The following CTTN variants were observed in gnomAD, a reference collection of about 807,000 sequenced individuals.
The protein encoded by CTTN is cortactin.
In CTTN, 28 loss-of-function variants were observed where a neutral mutation model predicts 84.0. The ratio of observed to expected loss-of-function variants is 0.33; its 90% confidence interval spans 0.25 to 0.46. The LOEUF (loss-of-function observed/expected upper bound fraction) is 0.46, where lower values mean the gene tolerates loss of function less well. CTTN is among the 20% of genes least tolerant of loss of function. The pLI, the probability that CTTN is intolerant of heterozygous loss-of-function variation, is 1.00. For synonymous variants in CTTN, 301 were observed against 288.8 expected (o/e 1.04, Z -0.43); for missense variants, 641 against 723.8 (o/e 0.89, Z 1.31).
At chr11:70,431,633 C>T (rs1005134855) in intron 15 of CTTN, among the ~76,000 whole-genome samples, 4 of 152,252 alleles carry the variant, frequency 2.6e-5, no homozygotes, top group African/African-American at 4.8e-5. Context: ...CGCCGCCTCA[C>T]TCCCTAATGG....
At chr11:70,425,545 C>G in intron 13 of CTTN, 144 bp downstream of exon 13, 1 of 658,346 alleles carries the variant, frequency 1.5e-6, no homozygotes, top group Non-Finnish European at 2.7e-6. Flanking sequence ...AGAAAATGAT[C>G]GTTCTGATGA....
intron 11 of CTTN, chr11:70,422,535 CTT>C: frequency 7.7e-7 from 1 of 1,294,180 alleles, no homozygotes; most frequent in Non-Finnish European, 1.0e-6. Flanking sequence ...GATTGAGCCT[CTT>C]TTTAGCGCTC....
intron 13 of CTTN, among the ~76,000 whole-genome samples, chr11:70,428,821 C>G (rs1250404013): frequency 6.6e-6 from 1 of 152,190 alleles, no homozygotes; most frequent in African/African-American, 2.4e-5. Context: ...TTCCTGATGC[C>G]AGGCTTAGGG....
chr11:70,429,910 G>A (rs1283209249), intron 14 of CTTN, among the ~76,000 whole-genome samples: 2 of 152,150 alleles, frequency 1.3e-5, no homozygotes, highest in African/African-American at 2.4e-5. Context: ...GGCATCTGCA[G>A]TGTGGGGCAG....
chr11:70,414,274 G>A (rs1346920215), intron 5 of CTTN, among the ~76,000 whole-genome samples: 1 of 151,926 alleles, frequency 6.6e-6, no homozygotes, highest in Non-Finnish European at 1.5e-5. Context: ...GAACCTGGGA[G>A]GCGGAGCTTG....
intron 2 of CTTN, among the ~76,000 whole-genome samples, chr11:70,406,566 T>G (rs2058043016): frequency 6.6e-6 from 1 of 151,900 alleles, no homozygotes; most frequent in South Asian, 2.1e-4. Context: ...ACCACTGCAG[T>G]TACAAGAATT....
At chr11:70,431,423 G>A in intron 15 of CTTN, 143 bp downstream of exon 15, 1 of 867,758 alleles carries the variant, frequency 1.2e-6, no homozygotes, top group Non-Finnish European at 1.9e-6. Flanking sequence ...CCGGAGAGGG[G>A]TGGGCCAGGA....
chr11:70,418,601 T>C (rs958397260), intron 8 of CTTN, among the ~76,000 whole-genome samples: 3 of 152,200 alleles, frequency 2.0e-5, no homozygotes, highest in Non-Finnish European at 2.9e-5. Context: ...TGGAGGATGC[T>C]GTGTGTGTCC....
intron 1 of CTTN, among the ~76,000 whole-genome samples, chr11:70,402,386 A>G (rs548287270): frequency 6.6e-6 from 1 of 152,324 alleles, no homozygotes; most frequent in South Asian, 2.1e-4. Flanking sequence ...GGTTTTTAGT[A>G]TCTTCATGCA....
intron 9 of CTTN, chr11:70,420,128 G>T: frequency 1.7e-6 from 1 of 597,952 alleles, no homozygotes; most frequent in Non-Finnish European, 3.0e-6. Context: ...AGCCTGTGCT[G>T]TCTCATGGTG....
At chr11:70,416,204 C>T (rs1272595563) in intron 7 of CTTN, 1 of 154,404 alleles carries the variant, frequency 6.5e-6, no homozygotes, top group East Asian at 1.9e-4. Context: ...AAGCATATCG[C>T]CACCTTAAAG....
At chr11:70,403,455 G>A (rs1404464280) in intron 1 of CTTN, among the ~76,000 whole-genome samples, 1 of 152,088 alleles carries the variant, frequency 6.6e-6, no homozygotes, top group Non-Finnish European at 1.5e-5. Context: ...CGAAAGTGCT[G>A]GGATTACAGG....
Position 70,422,455 on chromosome 11 carries a change from G to A in CTTN, c.902-485G>A, listed in dbSNP as rs905303435. ...TCATGTGGATCTGTGTTGCTGCAAC[G>A]GAAGTCTTTGGCTGGTAGAATTTCC... On this transcript the variant is annotated intron_variant, in intron 11 of 17. Transcript: ENST00000301843. The A allele has an allele frequency of 1.1e-5, 14 of 1,230,796 alleles. No individual in the cohort carries two copies. In the African/African-American group the frequency reaches 1.9e-4, roughly 16 times the overall value. The allele number at this position is 1,230,796 out of a possible 1,614,324, so 76.2% of individuals were successfully genotyped here. A position where few individuals can be genotyped will look rare whatever the true frequency, so the allele number is the denominator to read the frequency against.
At chr11:70,406,584 T>G (rs1363361043) in intron 2 of CTTN, among the ~76,000 whole-genome samples, 1 of 152,094 alleles carries the variant, frequency 6.6e-6, no homozygotes, top group East Asian at 1.9e-4. Flanking sequence ...ATTGTCTTGT[T>G]AGGGTTTACA....
intron 13 of CTTN, 65 bp from the exon 14 acceptor site, chr11:70,428,986 G>T: frequency 6.3e-7 from 1 of 1,586,162 alleles, no homozygotes; most frequent in Admixed American, 1.7e-5. Flanking sequence ...TGTGGGTGGG[G>T]CTGTTGTCCA....
chr11:70,423,431 C>T (rs1399873198), intron 12 of CTTN, among the ~76,000 whole-genome samples: 5 of 152,250 alleles, frequency 3.3e-5, no homozygotes, highest in African/African-American at 1.2e-4. Context: ...TCTTCAGCCT[C>T]GTAGAGACGC....
At chr11:70,415,867 A>G (rs1441813059) in intron 7 of CTTN, 150 bp downstream of exon 7, 1 of 713,622 alleles carries the variant, frequency 1.4e-6, no homozygotes, top group Non-Finnish European at 2.5e-6. Flanking sequence ...GGCTGTTGCC[A>G]CAAGGAGGAC....
chr11:70,401,811 G>C (rs1158154650), intron 1 of CTTN, among the ~76,000 whole-genome samples: 1 of 151,742 alleles, frequency 6.6e-6, no homozygotes, highest in South Asian at 2.1e-4. Flanking sequence ...TCTAGCCTGG[G>C]CCACAGTGCA....
At chr11:70,404,497 A>G (rs1326768298) in intron 1 of CTTN, among the ~76,000 whole-genome samples, 1 of 152,186 alleles carries the variant, frequency 6.6e-6, no homozygotes, top group Non-Finnish European at 1.5e-5. Context: ...GTCTTGATAG[A>G]CAGTCACCAT....
Sources: gnomAD v4.1 joint callset for allele counts (sites outside exome capture counted in the v4.1 genomes callset) on GRCh38, gnomAD v4.1.1 for gene constraint, MANE v1.5 for transcripts, NCBI Gene and HGNC (gene_info 2026-07-23, HGNC 2026-07-21) for gene names.